The following CFAP61 variants were observed in gnomAD, a reference collection of about 807,000 sequenced individuals.
CFAP61 encodes cilia- and flagella-associated protein 61.
Under a neutral mutation model 135.6 loss-of-function variants are expected in CFAP61, and 107 were observed. That is an observed-to-expected ratio of 0.79 (90% CI 0.67 to 0.93). The LOEUF (loss-of-function observed/expected upper bound fraction) is 0.93, where lower values mean the gene tolerates loss of function less well. CFAP61 is among the 40% of genes least tolerant of loss of function. CFAP61 has a pLI of 0.00. For synonymous variants in CFAP61, 575 were observed against 578.5 expected (o/e 0.99, Z 0.09); for missense variants, 1,507 against 1,556.2 (o/e 0.97, Z 0.53).
At chr20:20,184,129 A>G (rs1331469460) in intron 13 of CFAP61, among the ~76,000 whole-genome samples, 3 of 152,216 alleles carry the variant, frequency 2.0e-5, no homozygotes, top group African/African-American at 7.2e-5. Context: ...GGACCATGAT[A>G]TGGTCTGAGC....
intron 1 of CFAP61, among the ~76,000 whole-genome samples, chr20:20,052,926 T>A (rs1052615343): frequency 7.9e-6 from 1 of 127,122 alleles, no homozygotes; most frequent in African/African-American, 2.9e-5. Context: ...CAAATAATTC[T>A]AAGGTGCCCA....
chr20:20,152,890 C>T (rs1303424623), intron 9 of CFAP61, among the ~76,000 whole-genome samples: 1 of 152,130 alleles, frequency 6.6e-6, no homozygotes, highest in Non-Finnish European at 1.5e-5. Context: ...ATTTATAGAA[C>T]ATTCAATACC....
At chr20:20,239,593 ACTC>A (rs2049864184) in intron 18 of CFAP61, among the ~76,000 whole-genome samples, 1 of 152,264 alleles carries the variant, frequency 6.6e-6, no homozygotes, top group African/African-American at 2.4e-5. Context: ...TCTTCACAGA[ACTC>A]CTAAGAAGCA....
intron 24 of CFAP61, among the ~76,000 whole-genome samples, chr20:20,294,823 G>A (rs1392234984): frequency 6.6e-6 from 1 of 151,080 alleles, no homozygotes; most frequent in African/African-American, 2.4e-5. Context: ...AGCTACTCGG[G>A]AGGCTGAGGC....
At chr20:20,063,100 C>T (rs1191746957) in intron 2 of CFAP61, among the ~76,000 whole-genome samples, 1 of 152,140 alleles carries the variant, frequency 6.6e-6, no homozygotes, top group Non-Finnish European at 1.5e-5. Flanking sequence ...GTTTTAAATC[C>T]TCCCGCCAAT....
intron 22 of CFAP61, among the ~76,000 whole-genome samples, chr20:20,281,223 T>G (rs954779246): frequency 1.3e-5 from 2 of 152,184 alleles, no homozygotes; most frequent in Non-Finnish European, 2.9e-5. Context: ...TTTCTGATAT[T>G]TAGGTCTTTT....
chr20:20,172,709 A>G (rs1159265123), intron 13 of CFAP61, among the ~76,000 whole-genome samples: 1 of 152,198 alleles, frequency 6.6e-6, no homozygotes, highest in Non-Finnish European at 1.5e-5. Context: ...CTCCACCACC[A>G]TACACAGACT....
At chr20:20,267,530 T>G (rs1228343381) in intron 21 of CFAP61, 1 of 152,432 alleles carries the variant, frequency 6.6e-6, no homozygotes, top group South Asian at 2.1e-4. Context: ...GAGGCAGCTG[T>G]GGATGCAGGA....
intron 21 of CFAP61, among the ~76,000 whole-genome samples, chr20:20,264,723 C>G (rs116793815): frequency 0.014 from 2,152 of 152,178 alleles, 50 homozygotes; most frequent in African/African-American, 0.049. Flanking sequence ...AAAACCCCAC[C>G]TCTACAAAAA....
At chr20:20,065,855 G>A (rs1053212523) in intron 2 of CFAP61, among the ~76,000 whole-genome samples, 15 of 152,180 alleles carry the variant, frequency 9.9e-5, no homozygotes, top group African/African-American at 2.7e-4. Flanking sequence ...GCTGCAGTTT[G>A]TGAGCAATGG....
rs549514991 is a variant in CFAP61, at chr20:20,178,309, A to G, written c.1385+8849A>G. ...CCTTTATGATACATTTTCTTCATATATTAACCTCTAAGACACTTCCAAACT... is the reference window on the plus strand; with the variant it reads ...CCTTTATGATACATTTTCTTCATATGTTAACCTCTAAGACACTTCCAAACT... On this transcript the variant is annotated intron_variant, in intron 13 of 26. Coordinates refer to ENST00000245957, the MANE Select transcript of CFAP61 (RefSeq NM_015585.4). Among the ~76,000 whole-genome samples the G allele has an allele frequency of 3.9e-5, 6 of 152,324 alleles. No individual in the cohort carries two copies. The East Asian group carries it at 1.2e-3, about 29-fold the overall frequency.
intron 26 of CFAP61, among the ~76,000 whole-genome samples, chr20:20,350,033 A>G (rs2058776336): frequency 6.6e-6 from 1 of 152,240 alleles, no homozygotes; most frequent in African/African-American, 2.4e-5. Context: ...GAATAGATAT[A>G]TAGATCAATG....
In CFAP61 at chr20:20,187,914, T is replaced by C; in HGVS notation, c.1386-16T>C. On this transcript the variant is annotated splice_polypyrimidine_tract_variant and intron_variant, in intron 13 of 26. Transcript: ENST00000245957. ...TTAGTACTTTAACTTAAAAATATAT[T>C]CCTCTCCTTACCCAGGTCCATTAAT... The C allele has an allele frequency of 6.2e-7, 1 of 1,606,618 alleles. No individual in the cohort carries two copies. The highest frequency in any genetic ancestry group is 1.7e-4 in the Middle Eastern group (1 of 6,052).
At chr20:20,247,973 AAAT>A (rs1249098977) in intron 19 of CFAP61, among the ~76,000 whole-genome samples, 1 of 152,106 alleles carries the variant, frequency 6.6e-6, no homozygotes, top group Non-Finnish European at 1.5e-5. Flanking sequence ...TTGCCTTTTG[AAAT>A]AATGTTTATT....
At chr20:20,053,420 A>T (rs976307822) in intron 1 of CFAP61, among the ~76,000 whole-genome samples, 3 of 152,176 alleles carry the variant, frequency 2.0e-5, no homozygotes, top group Admixed American at 6.5e-5. Context: ...TTGAACCTAC[A>T]TTGACACATC....
intron 6 of CFAP61, among the ~76,000 whole-genome samples, chr20:20,085,881 C>CT (rs757736247): frequency 1.3e-5 from 2 of 152,208 alleles, no homozygotes; most frequent in African/African-American, 4.8e-5. Context: ...ATCAAGGACT[C>CT]TTTTTTACAG....
chr20:20,135,212 C>T (rs1228363119), intron 8 of CFAP61, among the ~76,000 whole-genome samples: 1 of 152,166 alleles, frequency 6.6e-6, no homozygotes, highest in Non-Finnish European at 1.5e-5. Context: ...AACAGATTCT[C>T]CCCTAGAGCC....
chr20:20,231,168 G>A (rs535823852), intron 18 of CFAP61, among the ~76,000 whole-genome samples: 2 of 152,278 alleles, frequency 1.3e-5, no homozygotes, highest in Non-Finnish European at 2.9e-5. Flanking sequence ...TATTCCCTAG[G>A]ATGTAAGCTC....
chr20:20,207,635 C>T (rs1293375731), intron 17 of CFAP61, among the ~76,000 whole-genome samples: 2 of 152,162 alleles, frequency 1.3e-5, no homozygotes, highest in African/African-American at 4.8e-5. Flanking sequence ...TTTAAAGTAG[C>T]TGGGGATATA....
Sources: gnomAD v4.1 joint callset for allele counts (sites outside exome capture counted in the v4.1 genomes callset) on GRCh38, gnomAD v4.1.1 for gene constraint, MANE v1.5 for transcripts, NCBI Gene and HGNC (gene_info 2026-07-23, HGNC 2026-07-21) for gene names.